MECOM: variants seen among roughly 807,000 people sequenced by gnomAD.
MECOM encodes the protein MDS1 and EVI1 complex locus.
In MECOM, 13 loss-of-function variants were observed where a neutral mutation model predicts 116.3. The ratio of observed to expected loss-of-function variants is 0.11; its 90% CI spans 0.07 to 0.18. MECOM has a LOEUF of 0.18. Ranked by LOEUF, MECOM falls within the 10% of genes least tolerant of loss-of-function variation. The probability of loss-of-function intolerance (pLI) is 1.00; values close to 1 mark genes in which losing one functional copy is unlikely to be tolerated. For synonymous variants in MECOM, 528 were observed against 535.2 expected, an observed-to-expected ratio of 0.99 and a Z score of 0.19; for missense variants, 1,299 against 1,509.0, an observed-to-expected ratio of 0.86 and a Z score of 2.31.
chr3:169,539,737 A>G (rs1759846547), intron 1 of MECOM, among the ~76,000 whole-genome samples: 1 of 151,662 alleles, frequency 6.6e-6, no homozygotes, highest in African/African-American at 2.4e-5. Flanking sequence ...ATATCAGACC[A>G]CAGCACTTTC....
intron 1 of MECOM, among the ~76,000 whole-genome samples, chr3:169,423,518 G>C (rs1010717268): frequency 6.6e-6 from 1 of 152,080 alleles, no homozygotes; most frequent in Admixed American, 6.6e-5. Context: ...TCAGTGAACA[G>C]AAAATCTCTC....
intron 14 of MECOM, among the ~76,000 whole-genome samples, chr3:169,091,905 G>T (rs998428037): frequency 6.6e-6 from 1 of 151,920 alleles, no homozygotes. Flanking sequence ...AATAATACTT[G>T]TATGATGAAA....
At chr3:169,559,250 T>C (rs16854088) in intron 1 of MECOM, among the ~76,000 whole-genome samples, 33,576 of 152,168 alleles carry the variant, frequency 0.22, 4,717 homozygotes, top group East Asian at 0.7. Context: ...TTTATATCAC[T>C]TTTCATAGCC....
intron 2 of MECOM, among the ~76,000 whole-genome samples, chr3:169,212,394 A>G (rs1750838841): frequency 6.6e-6 from 1 of 151,346 alleles, no homozygotes; most frequent in South Asian, 2.1e-4. Flanking sequence ...CCATACTCCA[A>G]TGCCTGCAGG....
At chr3:169,297,350 AG>A (rs1413578750) in intron 2 of MECOM, among the ~76,000 whole-genome samples, 1 of 152,230 alleles carries the variant, frequency 6.6e-6, no homozygotes, top group Non-Finnish European at 1.5e-5. Flanking sequence ...AACACCAAAC[AG>A]TAGTCATTTA....
intron 1 of MECOM, among the ~76,000 whole-genome samples, chr3:169,659,537 C>G (rs941545548): frequency 2.1e-5 from 3 of 139,632 alleles, no homozygotes; most frequent in African/African-American, 8.3e-5. Flanking sequence ...TAAAGAAGCC[C>G]TAAGCCCGGG....
chr3:169,323,602 T>C (rs1355563116), intron 2 of MECOM, among the ~76,000 whole-genome samples: 3 of 152,276 alleles, frequency 2.0e-5, no homozygotes, highest in South Asian at 2.1e-4. Context: ...TAAAAGAACA[T>C]GTAACAGTTT....
In MECOM at chr3:169,122,663, C is replaced by T; in HGVS notation, c.895G>A (p.Ala299Thr). The change falls in exon 6 of 17, where the codon GCA (alanine) becomes ACA (threonine). Residue 299 changes from alanine to threonine, a missense_variant. By Grantham distance (58) the Ala-to-Thr change is moderately conservative. Transcript: ENST00000651503. The stretch of plus-strand genomic sequence containing the variant: ...ATTAAATTGGACTTCCAGTTAAATG[C>T]CTTGGGACACTGATCACACTTGTAT... ...REYKCDQCPK[A>T]FNWKSNLIRH... 6.2e-7 allele frequency: 1 copy of T among 1,614,040 alleles called. No individual in the cohort carries two copies. The highest frequency in any genetic ancestry group is 1.1e-5 in the South Asian group (1 of 91,078).
chr3:169,098,171 T>C (rs1177396836), intron 12 of MECOM, among the ~76,000 whole-genome samples: 1 of 152,202 alleles, frequency 6.6e-6, no homozygotes, highest in South Asian at 2.1e-4. Context: ...GAAATTAACA[T>C]TGATGCAATA....
intron 1 of MECOM, among the ~76,000 whole-genome samples, chr3:169,391,629 A>C (rs1734207569): frequency 6.6e-6 from 1 of 152,182 alleles, no homozygotes; most frequent in Non-Finnish European, 1.5e-5. Flanking sequence ...TTTGCAGAAA[A>C]ATATGAACAG....
chr3:169,515,722 G>A (rs1482498351), intron 1 of MECOM, among the ~76,000 whole-genome samples: 1 of 152,166 alleles, frequency 6.6e-6, no homozygotes, highest in Admixed American at 6.5e-5. Flanking sequence ...ATCACAAAGT[G>A]ACAAACATTT....
intron 2 of MECOM, among the ~76,000 whole-genome samples, chr3:169,283,530 A>G (rs2149682824): frequency 6.6e-6 from 1 of 152,322 alleles, no homozygotes. Flanking sequence ...TACTCATATG[A>G]TAAAGAATGT....
intron 1 of MECOM, among the ~76,000 whole-genome samples, chr3:169,431,682 G>A (rs1001611931): frequency 2.0e-5 from 3 of 152,176 alleles, no homozygotes; most frequent in Non-Finnish European, 4.4e-5. Flanking sequence ...AGACTGGTCT[G>A]CCACAAATCC....
chr3:169,096,267 G>T (rs570759562), intron 12 of MECOM, among the ~76,000 whole-genome samples: 9 of 150,586 alleles, frequency 6.0e-5, no homozygotes, highest in African/African-American at 2.0e-4. Context: ...TTCTCCAAAT[G>T]ACCTTTTTTT....
chr3:169,351,024 C>T (rs1461850350), intron 2 of MECOM, among the ~76,000 whole-genome samples: 6 of 151,688 alleles, frequency 4.0e-5, no homozygotes, highest in Non-Finnish European at 1.5e-5. Flanking sequence ...AAAAATTGCC[C>T]CAAATCTCAT....
chr3:169,116,085 G>A lies in MECOM; in HGVS notation c.1787C>T (p.Thr596Ile), dbSNP rs1385687806. 1 of 1,614,096 alleles carries A rather than the reference G, an allele frequency of 6.2e-7. No homozygotes were observed. The highest frequency in any genetic ancestry group is 8.5e-7 in the Non-Finnish European group (1 of 1,180,028). ...GTCACTTTCCAGATCAGAGCCCGAGGTTGTTTCCAGGTCACTGCCACTTGG... is the reference window on the plus strand; with the variant it reads ...GTCACTTTCCAGATCAGAGCCCGAGATTGTTTCCAGGTCACTGCCACTTGG... ...STPSGSDLETTSGSDLESDIE... is the reference protein window; with the variant it reads ...STPSGSDLETISGSDLESDIE... Residue 596 changes from threonine (T) to isoleucine (I), a missense_variant, in exon 8 of 17, where the codon ACC becomes ATC. This residue lies in a region of MECOM where 238 missense variants were observed against 273.1 expected (regional missense o/e 0.87). Transcript: ENST00000651503.
At chr3:169,129,497 A>C (rs976094856) in intron 4 of MECOM, among the ~76,000 whole-genome samples, 3 of 152,014 alleles carry the variant, frequency 2.0e-5, no homozygotes, top group African/African-American at 7.2e-5. Context: ...ATGCTGGTTT[A>C]GTTTATACTA....
At chr3:169,656,084 G>A (rs577231798) in intron 1 of MECOM, among the ~76,000 whole-genome samples, 6 of 152,296 alleles carry the variant, frequency 3.9e-5, no homozygotes, top group Middle Eastern at 3.4e-3. Context: ...TGGTTTGCCC[G>A]TGCACAGGGC....
intron 2 of MECOM, among the ~76,000 whole-genome samples, chr3:169,360,319 C>CAAAAAAAAAAAAAA: frequency 5.7e-5 from 5 of 87,840 alleles, no homozygotes; most frequent in Admixed American, 1.3e-4. Context: ...AAAGTTACAC[C>CAAAAAAAAAAAAAA]AAAAAAAAAA....
Sources: allele counts gnomAD v4.1 joint callset (sites outside exome capture counted in the v4.1 genomes callset), GRCh38; gene constraint gnomAD v4.1.1; regional missense constraint gnomAD v4.1.1; transcripts MANE v1.5; gene names NCBI Gene and HGNC (gene_info 2026-07-23, HGNC 2026-07-21).